PTPRD: variants seen among roughly 807,000 people sequenced by gnomAD.
The protein encoded by PTPRD is protein tyrosine phosphatase receptor type D.
A neutral mutation model predicts 214.5 loss-of-function variants in PTPRD; 34 were observed. That is an observed-to-expected ratio of 0.16 (90% CI 0.12 to 0.21). The LOEUF (loss-of-function observed/expected upper bound fraction) is 0.21. PTPRD is among the 10% of genes least tolerant of loss of function. The pLI, the probability that PTPRD is intolerant of heterozygous loss-of-function variation, is 1.00. For synonymous variants in PTPRD, 1,128 were observed against 845.7 expected (o/e 1.33, Z -5.79); for missense variants, 2,545 against 2,398.7 (o/e 1.06, Z -1.27).
chr9:9,584,503 C>A (rs2091542695), intron 7 of PTPRD, among the ~76,000 whole-genome samples: 1 of 151,748 alleles, frequency 6.6e-6, no homozygotes, highest in Non-Finnish European at 1.5e-5. Context: ...TCTCCAACTC[C>A]CTCCCATTTT....
At chr9:8,770,173 C>A (rs150744177) in intron 11 of PTPRD, among the ~76,000 whole-genome samples, 1 of 151,888 alleles carries the variant, frequency 6.6e-6, no homozygotes, top group Non-Finnish European at 1.5e-5. Flanking sequence ...CCCAGCTACT[C>A]GGGGGGCTGA....
intron 12 of PTPRD, among the ~76,000 whole-genome samples, chr9:8,639,187 T>C (rs76027630): frequency 0.041 from 6,216 of 152,332 alleles, 207 homozygotes; most frequent in Non-Finnish European, 0.059. Flanking sequence ...TACAAAACAC[T>C]GTACATTGAT....
chr9:8,735,092 A>T (rs556504514), intron 11 of PTPRD, among the ~76,000 whole-genome samples: 1 of 150,180 alleles, frequency 6.7e-6, no homozygotes, highest in Admixed American at 6.6e-5. Context: ...GTGGGTCAGT[A>T]GGTCTGTGGT....
intron 7 of PTPRD, among the ~76,000 whole-genome samples, chr9:9,670,129 T>C (rs574693472): frequency 6.6e-6 from 1 of 152,224 alleles, no homozygotes; most frequent in East Asian, 1.9e-4. Context: ...AATTAGTAAT[T>C]TGTAATTTCT....
chr9:9,347,317 T>G (rs1401961681), intron 9 of PTPRD, among the ~76,000 whole-genome samples: 1 of 149,780 alleles, frequency 6.7e-6, no homozygotes, highest in Non-Finnish European at 1.5e-5. Flanking sequence ...TGTGTATATA[T>G]ATAAATATAT....
chr9:8,685,271 G>C (rs2154376093), intron 12 of PTPRD, among the ~76,000 whole-genome samples: 1 of 150,834 alleles, frequency 6.6e-6, no homozygotes, highest in East Asian at 1.9e-4. Flanking sequence ...AAAAAAAAAA[G>C]GTACATTATA....
chr9:9,966,705 G>C (rs564287014), intron 4 of PTPRD, among the ~76,000 whole-genome samples: 3 of 152,130 alleles, frequency 2.0e-5, no homozygotes, highest in South Asian at 2.1e-4. Context: ...AATGATGGCA[G>C]ATTTCAGTTG....
At chr9:10,606,299 C>T (rs1489863033) in intron 2 of PTPRD, among the ~76,000 whole-genome samples, 6 of 151,782 alleles carry the variant, frequency 4.0e-5, no homozygotes, top group South Asian at 2.1e-4. Flanking sequence ...CTGTCTCTAG[C>T]GTGAGATTAA....
At chr9:9,192,017 T>C (rs893365559) in intron 9 of PTPRD, among the ~76,000 whole-genome samples, 2 of 152,026 alleles carry the variant, frequency 1.3e-5, no homozygotes, top group Admixed American at 6.6e-5. Context: ...CCAATTCCTG[T>C]ACTGCTTCTG....
chr9:9,288,559 A>G lies in PTPRD; in HGVS notation c.-202-105196T>C, dbSNP rs566983400. Among the ~76,000 whole-genome samples, 3 of 152,052 alleles carry G rather than the reference A, an allele frequency of 2.0e-5. No individual in the cohort carries two copies. In the East Asian group the frequency reaches 5.9e-4, roughly 30 times the overall value. ...TTTAAAAACAGAAAATTATTAATCA[A>G]TATTGTGTTCACACTTTCATTGTTA... On this transcript the variant is annotated intron_variant, in intron 9 of 45. Coordinates refer to ENST00000381196, the MANE Select transcript of PTPRD (RefSeq NM_002839.4).
chr9:9,677,187 A>G (rs1049614394), intron 7 of PTPRD, among the ~76,000 whole-genome samples: 1 of 152,050 alleles, frequency 6.6e-6, no homozygotes, highest in Non-Finnish European at 1.5e-5. Flanking sequence ...GGTGTTTTAG[A>G]CATGAAGTCC....
At chr9:9,650,466 C>T (rs1330264528) in intron 7 of PTPRD, among the ~76,000 whole-genome samples, 2 of 152,026 alleles carry the variant, frequency 1.3e-5, no homozygotes, top group Non-Finnish European at 2.9e-5. Flanking sequence ...TTTGCTGATA[C>T]TTTGTAGAGG....
chr9:9,576,014 T>G (rs913607850), intron 7 of PTPRD, among the ~76,000 whole-genome samples: 4 of 152,110 alleles, frequency 2.6e-5, no homozygotes, highest in African/African-American at 9.7e-5. Context: ...GGTCTACAAG[T>G]AGGTGCTCTA....
chr9:10,050,783 A>G (rs1215939236), intron 3 of PTPRD, among the ~76,000 whole-genome samples: 1 of 151,870 alleles, frequency 6.6e-6, no homozygotes, highest in Admixed American at 6.6e-5. Context: ...CGTATCTTTC[A>G]TTCTTAACCC....
chr9:9,783,863 A>G (rs898854187), intron 5 of PTPRD, among the ~76,000 whole-genome samples: 3 of 151,424 alleles, frequency 2.0e-5, no homozygotes, highest in East Asian at 3.9e-4. Flanking sequence ...GCTCAAGAGT[A>G]AAATGAACCA....
At chr9:10,358,762 C>A (rs1487397904) in intron 2 of PTPRD, among the ~76,000 whole-genome samples, 1 of 151,812 alleles carries the variant, frequency 6.6e-6, no homozygotes, top group African/African-American at 2.4e-5. Context: ...AACAGAATTG[C>A]TTGTTCATTT....
intron 12 of PTPRD, among the ~76,000 whole-genome samples, chr9:8,682,186 T>A (rs888911400): frequency 6.6e-6 from 1 of 152,164 alleles, no homozygotes; most frequent in Admixed American, 6.5e-5. Flanking sequence ...AAAAATGCAT[T>A]ATGCATTAGG....
intron 3 of PTPRD, among the ~76,000 whole-genome samples, chr9:10,184,402 A>G (rs1338384677): frequency 1.3e-5 from 2 of 152,098 alleles, no homozygotes; most frequent in Non-Finnish European, 2.9e-5. Context: ...TCCAGCCTGG[A>G]AAACAGAGCG....
At chr9:8,488,845 T>C (rs1015035384) in intron 27 of PTPRD, among the ~76,000 whole-genome samples, 1 of 152,122 alleles carries the variant, frequency 6.6e-6, no homozygotes, top group Non-Finnish European at 1.5e-5. Context: ...GAATACAGCC[T>C]TCAATATATG....
Sources: gnomAD v4.1 joint callset for allele counts (sites outside exome capture counted in the v4.1 genomes callset) on GRCh38, gnomAD v4.1.1 for gene constraint, MANE v1.5 for transcripts, NCBI Gene and HGNC (gene_info 2026-07-23, HGNC 2026-07-21) for gene names.